KCNH8: variants seen among roughly 807,000 people sequenced by gnomAD.
KCNH8 encodes the protein potassium voltage-gated channel subfamily H member 8, also known as voltage-gated delayed rectifier potassium channel KCNH8.
A neutral mutation model predicts 103.6 loss-of-function variants in KCNH8; 70 were observed. That is an observed-to-expected ratio of 0.68 (90% CI 0.56 to 0.82). The LOEUF (loss-of-function observed/expected upper bound fraction) is 0.82. Ranked by LOEUF, KCNH8 falls within the 40% of genes least tolerant of loss-of-function variation. The pLI is 0.00. For synonymous variants in KCNH8, 498 were observed against 489.4 expected (o/e 1.02, Z -0.23); for missense variants, 1,217 against 1,329.9 (o/e 0.92, Z 1.32).
At chr3:19,328,906 A>G (rs893285792) in intron 3 of KCNH8, among the ~76,000 whole-genome samples, 11 of 152,076 alleles carry the variant, frequency 7.2e-5, no homozygotes, top group African/African-American at 2.7e-4. Context: ...TGATTTCTTT[A>G]TTTATGTCCT....
At chr3:19,441,375 A>G (rs999772709) in intron 8 of KCNH8, among the ~76,000 whole-genome samples, 3 of 152,130 alleles carry the variant, frequency 2.0e-5, no homozygotes, top group Non-Finnish European at 4.4e-5. Flanking sequence ...CCCCAGGAAA[A>G]CCAGTTCTCT....
At chr3:19,367,583 A>G (rs147358089) in intron 5 of KCNH8, among the ~76,000 whole-genome samples, 1,735 of 151,592 alleles carry the variant, frequency 0.011, 24 homozygotes, top group African/African-American at 0.039. Context: ...TAATATTTGC[A>G]TAATATTCCA....
intron 7 of KCNH8, among the ~76,000 whole-genome samples, chr3:19,433,387 C>G (rs746882620): frequency 4.6e-5 from 7 of 152,096 alleles, no homozygotes; most frequent in Non-Finnish European, 1.0e-4. Flanking sequence ...AAGATAAATT[C>G]AAAAAGTCAT....
intron 5 of KCNH8, among the ~76,000 whole-genome samples, chr3:19,384,246 G>GATTACA: frequency 6.6e-6 from 1 of 152,254 alleles, no homozygotes; most frequent in African/African-American, 2.4e-5. Context: ...ATCTACAGCT[G>GATTACA]GAATGATTGC....
At chr3:19,179,693 T>G (rs1248230521) in intron 1 of KCNH8, among the ~76,000 whole-genome samples, 1 of 152,124 alleles carries the variant, frequency 6.6e-6, no homozygotes. Flanking sequence ...GTTATTTAAG[T>G]AAAGTCGTAG....
chr3:19,223,452 A>ATT (rs1168481670), intron 1 of KCNH8, among the ~76,000 whole-genome samples: 2 of 152,064 alleles, frequency 1.3e-5, no homozygotes, highest in African/African-American at 4.8e-5. Flanking sequence ...CATATTACAT[A>ATT]TTTTTTTAAA....
intron 7 of KCNH8, among the ~76,000 whole-genome samples, chr3:19,418,295 G>C (rs1173605079): frequency 6.6e-6 from 1 of 152,150 alleles, no homozygotes; most frequent in African/African-American, 2.4e-5. Flanking sequence ...AAAGGAGAAA[G>C]AGACATGGTG....
chr3:19,337,957 G>GA (rs199549556), intron 3 of KCNH8, among the ~76,000 whole-genome samples: 13 of 138,626 alleles, frequency 9.4e-5, no homozygotes, highest in East Asian at 6.7e-4. Flanking sequence ...GAGGGAGACA[G>GA]AAAAAAAAAT....
intron 3 of KCNH8, among the ~76,000 whole-genome samples, chr3:19,294,776 C>T (rs1433838329): frequency 6.6e-6 from 1 of 152,086 alleles, no homozygotes; most frequent in Non-Finnish European, 1.5e-5. Context: ...AAAGATGTTG[C>T]CATAGGCTGT....
intron 11 of KCNH8, among the ~76,000 whole-genome samples, chr3:19,461,479 T>C (rs2067627026): frequency 6.6e-6 from 1 of 152,174 alleles, no homozygotes; most frequent in Non-Finnish European, 1.5e-5. Context: ...CCCCTTTCCT[T>C]GATTTTCACA....
At chr3:19,274,592 G>A (rs1305006896) in intron 2 of KCNH8, among the ~76,000 whole-genome samples, 1 of 152,096 alleles carries the variant, frequency 6.6e-6, no homozygotes, top group Non-Finnish European at 1.5e-5. Context: ...AATTTGTTGA[G>A]CAAGGATGTT....
chr3:19,169,570 C>T (rs1412990161), intron 1 of KCNH8, among the ~76,000 whole-genome samples: 1 of 152,132 alleles, frequency 6.6e-6, no homozygotes, highest in South Asian at 2.1e-4. Context: ...TCTTTTCTAA[C>T]ATTGGAATGA....
chr3:19,172,059 C>G (rs1389902018), intron 1 of KCNH8, among the ~76,000 whole-genome samples: 1 of 151,528 alleles, frequency 6.6e-6, no homozygotes, highest in Non-Finnish European at 1.5e-5. Flanking sequence ...AGTGGATTTT[C>G]TCGGCAAAAA....
chr3:19,196,907 T>G (rs1051874790), intron 1 of KCNH8, among the ~76,000 whole-genome samples: 1 of 152,084 alleles, frequency 6.6e-6, no homozygotes, highest in Non-Finnish European at 1.5e-5. Flanking sequence ...TATCCAGTAA[T>G]GTAAACATAG....
intron 5 of KCNH8, among the ~76,000 whole-genome samples, chr3:19,374,029 G>T (rs924136976): frequency 2.0e-5 from 3 of 152,044 alleles, no homozygotes; most frequent in Non-Finnish European, 4.4e-5. Context: ...TTACTTCCAA[G>T]TACGTGGTCA....
At chr3:19,361,136 T>G (rs2065941808) in intron 5 of KCNH8, among the ~76,000 whole-genome samples, 1 of 152,050 alleles carries the variant, frequency 6.6e-6, no homozygotes, top group African/African-American at 2.4e-5. Flanking sequence ...TGGAGTGAGA[T>G]AGTGATGAAA....
chr3:19,166,745 G>C (rs1292550163), intron 1 of KCNH8, among the ~76,000 whole-genome samples: 1 of 152,154 alleles, frequency 6.6e-6, no homozygotes. Flanking sequence ...GGATGGTGAT[G>C]GTATGTAATC....
chr3:19,338,674 T>A (rs977446780), intron 3 of KCNH8, among the ~76,000 whole-genome samples: 1 of 152,132 alleles, frequency 6.6e-6, no homozygotes, highest in South Asian at 2.1e-4. Flanking sequence ...TACATACAGT[T>A]TTACAGCAGT....
At chr3:19,385,603 A>C (rs549555225) in intron 5 of KCNH8, among the ~76,000 whole-genome samples, 1 of 151,726 alleles carries the variant, frequency 6.6e-6, no homozygotes, top group African/African-American at 2.4e-5. Context: ...CAATTCTGAC[A>C]AGATAAGCAA....
Sources: allele counts gnomAD v4.1 joint callset (sites outside exome capture counted in the v4.1 genomes callset), GRCh38; gene constraint gnomAD v4.1.1; transcripts MANE v1.5; gene names NCBI Gene and HGNC (gene_info 2026-07-23, HGNC 2026-07-21).